PLCG2: variants seen among roughly 807,000 people sequenced by gnomAD.
PLCG2 encodes the protein 1-phosphatidylinositol 4,5-bisphosphate phosphodiesterase gamma-2.
PLCG2 carries 69 observed loss-of-function variants against 175.6 expected under a neutral mutation model. The observed-to-expected ratio is 0.39, with a 90% CI of 0.32 to 0.48. PLCG2 has a LOEUF of 0.48. Among genes scored for constraint, PLCG2 ranks in the 20% least tolerant of loss-of-function variants. The probability of loss-of-function intolerance (pLI) is 0.91; values close to 1 mark genes in which losing one functional copy is unlikely to be tolerated. For missense variants in PLCG2, 1,798 were observed against 1,650.9 expected, an observed-to-expected ratio of 1.09 and a Z score of -1.54; for synonymous variants, 827 against 624.0, an observed-to-expected ratio of 1.33 and a Z score of -4.85.
chr16:81,811,711 A>G (rs1403294921), intron 2 of PLCG2, among the ~76,000 whole-genome samples: 1 of 152,058 alleles, frequency 6.6e-6, no homozygotes. Context: ...ATCCTTTTTT[A>G]TGGTTGCATA....
chr16:81,821,740 C>G (rs916496759), intron 2 of PLCG2, among the ~76,000 whole-genome samples: 2 of 152,144 alleles, frequency 1.3e-5, no homozygotes, highest in African/African-American at 2.4e-5. Context: ...GATCTTTCTC[C>G]GCTAACTTGC....
At chr16:81,793,816 A>G (rs1009228119) in intron 2 of PLCG2, among the ~76,000 whole-genome samples, 2 of 152,232 alleles carry the variant, frequency 1.3e-5, no homozygotes, top group Non-Finnish European at 2.9e-5. Context: ...CTTTATTCAT[A>G]AAGAGATTGA....
Position 81,959,448 on chromosome 16 carries a change from G to A in PLCG2, c.*1450G>A, listed in dbSNP as rs768188034. On this transcript the variant is annotated 3_prime_UTR_variant, in exon 33 of 33. Transcript: ENST00000564138. ...AAATACAGTGCCAAGATTTGGGGGT[G>A]TGGATGTTTAAACAAAAAGCTGTGG... The A allele has an allele frequency of 4.6e-6, 1 of 219,466 alleles. No individual in the cohort carries two copies. Among genetic ancestry groups the A allele is most frequent in the East Asian group, 6.7e-5 (1 of 14,978 alleles). 13.6% of individuals were successfully genotyped at this position (219,466 alleles called of 1,614,324 possible).
At chr16:81,855,406 A>T (rs751717638) in intron 3 of PLCG2, among the ~76,000 whole-genome samples, 13 of 152,308 alleles carry the variant, frequency 8.5e-5, no homozygotes, top group Non-Finnish European at 1.9e-4. Flanking sequence ...ATGTATATTA[A>T]TTAAGAAAAT....
chr16:81,936,998 C>T (rs1342639717), intron 27 of PLCG2, among the ~76,000 whole-genome samples: 2 of 152,164 alleles, frequency 1.3e-5, no homozygotes, highest in African/African-American at 4.8e-5. Flanking sequence ...CCTTCTGTAC[C>T]CTGACGTGAG....
At chr16:81,912,434 G>T (rs1909667683) in intron 18 of PLCG2, among the ~76,000 whole-genome samples, 163 bp from the exon 19 acceptor site, 1 of 152,224 alleles carries the variant, frequency 6.6e-6, no homozygotes, top group African/African-American at 2.4e-5. Context: ...AATTCTCTTT[G>T]CTGAGGTGCC....
chr16:81,948,122 T>A (rs1457970594), intron 31 of PLCG2, among the ~76,000 whole-genome samples: 3 of 135,882 alleles, frequency 2.2e-5, no homozygotes, highest in Non-Finnish European at 5.3e-5. Flanking sequence ...TATTTTCTGA[T>A]TAAAAATTAT....
At chr16:81,924,758 G>A (rs1454706607) in intron 22 of PLCG2, among the ~76,000 whole-genome samples, 1 of 152,242 alleles carries the variant, frequency 6.6e-6, no homozygotes, top group Admixed American at 6.5e-5. Flanking sequence ...TGGAGTGGGG[G>A]CGTAGAATTG....
At chr16:81,884,707 TG>T (rs1908268823) in intron 9 of PLCG2, among the ~76,000 whole-genome samples, 1 of 143,698 alleles carries the variant, frequency 7.0e-6, no homozygotes, top group Admixed American at 6.7e-5. Flanking sequence ...TTACTTCATT[TG>T]TTTTTTTTTA....
intron 13 of PLCG2, among the ~76,000 whole-genome samples, 168 bp from the exon 14 acceptor site, chr16:81,900,444 C>A (rs1039888341): frequency 2.0e-5 from 3 of 152,256 alleles, no homozygotes; most frequent in Non-Finnish European, 4.4e-5. Flanking sequence ...CTTGTGCCTT[C>A]ACACCCAGGA....
chr16:81,742,347 G>A (rs1909614156), intron 1 of PLCG2, among the ~76,000 whole-genome samples: 1 of 152,130 alleles, frequency 6.6e-6, no homozygotes, highest in African/African-American at 2.4e-5. Context: ...AGACCAATGA[G>A]GGCTCCAGGT....
In PLCG2 at chr16:81,817,715, G is replaced by A. The variant is rs560038909; in HGVS notation, c.193+31533G>A. Among the ~76,000 whole-genome samples, 6 of 152,314 alleles carry A rather than the reference G, an allele frequency of 3.9e-5. No homozygotes were observed. The East Asian group carries it at 5.8e-4, about 15-fold the overall frequency. On this transcript the variant is annotated intron_variant, in intron 2 of 32. Transcript: ENST00000564138. ...TGCCCAGGCTGGTCTAAAACTCCCA[G>A]ACTCAAGCGACCCCCATGCCCTTGG... is the stretch of plus-strand genomic sequence containing the variant.
intron 13 of PLCG2, chr16:81,898,113 A>C: frequency 3.6e-6 from 1 of 280,406 alleles, no homozygotes; most frequent in Non-Finnish European, 7.1e-6. Context: ...TTTCATTTGC[A>C]GGACATAGGT....
At chr16:81,908,680 T>C in intron 17 of PLCG2, 89 bp downstream of exon 17, 2 of 1,184,288 alleles carry the variant, frequency 1.7e-6, no homozygotes, top group Admixed American at 2.5e-5. Flanking sequence ...CAGGCAGGAA[T>C]TGGGCAGGCT....
At chr16:81,741,300 C>G (rs575497623) in intron 1 of PLCG2, among the ~76,000 whole-genome samples, 232 of 152,276 alleles carry the variant, frequency 1.5e-3, no homozygotes, top group African/African-American at 5.1e-3. Flanking sequence ...AACTATAGCT[C>G]AGAGAGGTAA....
At chr16:81,951,622 T>C (rs1911369460) in intron 31 of PLCG2, among the ~76,000 whole-genome samples, 1 of 152,194 alleles carries the variant, frequency 6.6e-6, no homozygotes, top group African/African-American at 2.4e-5. Flanking sequence ...ACTCCTAGCT[T>C]TCCCCTAACC....
intron 31 of PLCG2, among the ~76,000 whole-genome samples, chr16:81,950,783 A>C (rs1163186314): frequency 6.6e-6 from 1 of 152,256 alleles, no homozygotes; most frequent in African/African-American, 2.4e-5. Context: ...TAAAACATTT[A>C]TGCCATAGTT....
intron 2 of PLCG2, among the ~76,000 whole-genome samples, chr16:81,820,190 T>G (rs930058754): frequency 1.3e-5 from 2 of 152,218 alleles, no homozygotes; most frequent in Non-Finnish European, 2.9e-5. Flanking sequence ...TCATTTTAAG[T>G]ACACAGTTTG....
intron 1 of PLCG2, among the ~76,000 whole-genome samples, chr16:81,753,342 G>GTTTTTTTTTTTT (rs34438350): frequency 7.7e-5 from 7 of 91,124 alleles, no homozygotes; most frequent in African/African-American, 1.3e-4. Flanking sequence ...GTCCTGGCAG[G>GTTTTTTTTTTTT]TTTTTTTTTT....
Sources: allele counts gnomAD v4.1 joint callset (sites outside exome capture counted in the v4.1 genomes callset), GRCh38; gene constraint gnomAD v4.1.1; transcripts MANE v1.5; gene names NCBI Gene and HGNC (gene_info 2026-07-23, HGNC 2026-07-21).